ALMS1: variants seen among roughly 807,000 people sequenced by gnomAD.
The protein encoded by ALMS1 is centrosome-associated protein ALMS1.
ALMS1 carries 271 observed loss-of-function variants against 352.2 expected under a neutral mutation model. That is an observed-to-expected ratio of 0.77 (90% CI 0.70 to 0.85). The LOEUF is 0.85. Ranked by LOEUF, ALMS1 falls within the 40% of genes least tolerant of loss-of-function variation. ALMS1 has a pLI of 0.00. For missense variants in ALMS1, 5,445 were observed against 4,870.7 expected (o/e 1.12, Z -3.51); for synonymous variants, 1,865 against 1,761.2 (o/e 1.06, Z -1.48).
In ALMS1 at chr2:73,452,445, C is replaced by A. The variant is rs199615641; in HGVS notation, c.5918C>A (p.Pro1973Gln). Reference protein sequence around the residue: ...EALKVSPVSIPAEQKTGIPIG... With the variant: ...EALKVSPVSIQAEQKTGIPIG... Reference sequence around the variant, plus strand: ...CTGAAAGTTTCACCTGTTTCTATACCAGCAGAGCAGAAGACTGGGATACCA... The same window carrying A: ...CTGAAAGTTTCACCTGTTTCTATACAAGCAGAGCAGAAGACTGGGATACCA... The change falls in exon 8 of 23, where the codon CCA becomes CAA. Residue 1973 changes from proline to glutamine, a missense_variant. Physicochemically the swap from Pro to Gln is moderately conservative, Grantham distance 76. Coordinates refer to ENST00000613296, the MANE Select transcript of ALMS1 (RefSeq NM_001378454.1). The A allele has an allele frequency of 2.9e-4, 474 of 1,613,892 alleles. No homozygotes were observed. Among genetic ancestry groups the A allele is most frequent in the Non-Finnish European group, 3.7e-4 (437 of 1,179,978 alleles).
rs778698425 is a variant in ALMS1 at position 73,572,978 on chromosome 2, C to A, written c.11101C>A (p.His3701Asn). 6.2e-7 allele frequency: 1 copy of A among 1,614,102 alleles called. No homozygotes were observed. The highest frequency in any genetic ancestry group is 8.5e-7 in the Non-Finnish European group (1 of 1,179,994). The change falls in exon 16 of 23, where the codon CAT becomes AAT. Residue 3701 changes from histidine (H) to asparagine (N), a missense_variant. Physicochemically the swap from His to Asn is moderately conservative, Grantham distance 68. Coordinates refer to ENST00000613296, the MANE Select transcript of ALMS1 (RefSeq NM_001378454.1). ...ELKKSKVLSH[H>N]RAGRSNQIKI... The stretch of plus-strand genomic sequence containing the variant: ...TAAAAAAAGCAAGGTGCTTTCTCAT[C>A]ATCGAGCTGGGAGGTCTAATCAAAT...
chr2:73,486,613 G>T (rs926493658), intron 9 of ALMS1, among the ~76,000 whole-genome samples: 7 of 152,212 alleles, frequency 4.6e-5, no homozygotes, highest in Non-Finnish European at 8.8e-5. Context: ...AGAAAACCCA[G>T]TGATTGCACC....
chr2:73,496,777 T>C (rs1367934493), intron 10 of ALMS1, among the ~76,000 whole-genome samples: 1 of 152,200 alleles, frequency 6.6e-6, no homozygotes, highest in Non-Finnish European at 1.5e-5. Flanking sequence ...ATTTTTATAG[T>C]TGTACAGTGG....
chr2:73,503,038 T>G (rs1673248174), intron 10 of ALMS1, among the ~76,000 whole-genome samples: 1 of 152,140 alleles, frequency 6.6e-6, no homozygotes, highest in South Asian at 2.1e-4. Flanking sequence ...AAATTCATAC[T>G]AGTGCATTAC....
intron 16 of ALMS1, among the ~76,000 whole-genome samples, chr2:73,593,774 G>T (rs146257891): frequency 2.7e-4 from 41 of 152,228 alleles, no homozygotes; most frequent in African/African-American, 9.4e-4. Flanking sequence ...ACAGCCTGCA[G>T]GCAACCACTA....
intron 2 of ALMS1, among the ~76,000 whole-genome samples, chr2:73,418,240 G>C (rs1345158084): frequency 6.6e-6 from 1 of 152,192 alleles, no homozygotes; most frequent in African/African-American, 2.4e-5. Context: ...TTGAGAAGCA[G>C]TTCTCTGGAT....
At chr2:73,562,525 G>C (rs1674685915) in intron 15 of ALMS1, among the ~76,000 whole-genome samples, 4 of 152,034 alleles carry the variant, frequency 2.6e-5, no homozygotes, top group Non-Finnish European at 5.9e-5. Flanking sequence ...GGTTAAAGGA[G>C]GTATAAATGA....
At position 73,447,974 on chromosome 2, in the gene ALMS1, G is replaced by A; in HGVS notation, c.1447G>A (p.Gly483Arg). Residue 483 changes from glycine (G) to arginine (R), a missense_variant, in exon 8 of 23, where the codon GGA (glycine) becomes AGA (arginine). Gly to Arg is a moderately radical substitution (Grantham distance 125). Coordinates refer to ENST00000613296, the MANE Select transcript of ALMS1 (RefSeq NM_001378454.1). ...TTTTTCTTTAGGAGACACTTCTAAA[G>A]GAGGCATAGCTAAAGTTACTCAATC... Reference protein sequence around the residue: ...KHLKAGDTSKGGIAKVTQSNL... With the variant: ...KHLKAGDTSKRGIAKVTQSNL... 1 of 1,611,646 alleles carries A rather than the reference G, an allele frequency of 6.2e-7. No individual in the cohort carries two copies. The highest frequency in any genetic ancestry group is 8.5e-7 in the Non-Finnish European group (1 of 1,178,750).
At chr2:73,568,039 C>T (rs1364084352) in intron 15 of ALMS1, among the ~76,000 whole-genome samples, 1 of 151,850 alleles carries the variant, frequency 6.6e-6, no homozygotes, top group Non-Finnish European at 1.5e-5. Context: ...TCAATGACAG[C>T]CTAAAAGGAA....
intron 10 of ALMS1, among the ~76,000 whole-genome samples, chr2:73,519,041 C>T (rs1007910984): frequency 6.6e-6 from 1 of 152,286 alleles, no homozygotes; most frequent in African/African-American, 2.4e-5. Context: ...TATGTGGTAT[C>T]CACATCATCA....
intron 9 of ALMS1, among the ~76,000 whole-genome samples, chr2:73,483,781 G>T (rs1436883388): frequency 6.8e-6 from 1 of 147,106 alleles, no homozygotes; most frequent in Non-Finnish European, 1.5e-5. Flanking sequence ...TATATATTTA[G>T]GATAGTTAGC....
intron 9 of ALMS1, among the ~76,000 whole-genome samples, chr2:73,466,904 T>G (rs1055084427): frequency 6.6e-6 from 1 of 152,114 alleles, no homozygotes; most frequent in African/African-American, 2.4e-5. Flanking sequence ...CCAAGTTTCT[T>G]AAGTGTTTGG....
intron 10 of ALMS1, among the ~76,000 whole-genome samples, chr2:73,501,366 C>T (rs945661515): frequency 1.3e-5 from 2 of 151,396 alleles, no homozygotes. Context: ...TTTTTTGTGT[C>T]CTGATTAAGA....
At chr2:73,489,491 T>C in intron 9 of ALMS1, 143 bp from the exon 10 acceptor site, 1 of 941,542 alleles carries the variant, frequency 1.1e-6, no homozygotes, top group Non-Finnish European at 1.6e-6. Flanking sequence ...TGCTGTGCTC[T>C]TTGTCCTGTT....
intron 16 of ALMS1, among the ~76,000 whole-genome samples, chr2:73,584,777 C>T (rs1435969360): frequency 2.6e-5 from 4 of 151,828 alleles, no homozygotes; most frequent in African/African-American, 9.7e-5. Flanking sequence ...TTATTCCTCA[C>T]CCCGCTCCCA....
chr2:73,432,765 G>T (rs561002401), intron 7 of ALMS1, among the ~76,000 whole-genome samples: 290 of 152,152 alleles, frequency 1.9e-3, no homozygotes, highest in Non-Finnish European at 3.7e-3. Context: ...TACTTTTCAG[G>T]GGGGACACAA....
At chr2:73,460,961 C>T (rs1671256515) in intron 9 of ALMS1, among the ~76,000 whole-genome samples, 1 of 152,204 alleles carries the variant, frequency 6.6e-6, no homozygotes, top group Admixed American at 6.5e-5. Context: ...TGGGTGGAGC[C>T]CACTACAGCT....
At chr2:73,441,477 G>T (rs1338466793) in intron 7 of ALMS1, among the ~76,000 whole-genome samples, 1 of 152,204 alleles carries the variant, frequency 6.6e-6, no homozygotes, top group East Asian at 1.9e-4. Context: ...TTGCTGCTGG[G>T]TTGGAGTAGG....
chr2:73,485,807 G>T (rs1004907880), intron 9 of ALMS1, among the ~76,000 whole-genome samples: 1 of 152,176 alleles, frequency 6.6e-6, no homozygotes, highest in Non-Finnish European at 1.5e-5. Context: ...TTGGAAAAGC[G>T]CAGTATTCGG....
Sources: allele counts gnomAD v4.1 joint callset (sites outside exome capture counted in the v4.1 genomes callset), GRCh38; gene constraint gnomAD v4.1.1; transcripts MANE v1.5; gene names NCBI Gene and HGNC (gene_info 2026-07-23, HGNC 2026-07-21).